The following PLXNA4 variants were observed in gnomAD, a reference collection of about 807,000 sequenced individuals.
PLXNA4 encodes plexin A4.
A neutral mutation model predicts 191.8 loss-of-function variants in PLXNA4; 44 were observed. The ratio of observed to expected loss-of-function variants is 0.23; its 90% CI spans 0.18 to 0.29. The LOEUF (loss-of-function observed/expected upper bound fraction) is 0.29, where lower values mean the gene tolerates loss of function less well. Ranked by LOEUF, PLXNA4 falls within the 10% of genes least tolerant of loss-of-function variation. PLXNA4 has a pLI of 1.00. For missense variants in PLXNA4, 1,800 were observed against 2,488.8 expected, an observed-to-expected ratio of 0.72 and a Z score of 5.89; for synonymous variants, 1,082 against 1,009.5, an observed-to-expected ratio of 1.07 and a Z score of -1.36.
chr7:132,310,381 C>T (rs556849077), intron 3 of PLXNA4, among the ~76,000 whole-genome samples: 1 of 152,328 alleles, frequency 6.6e-6, no homozygotes, highest in East Asian at 1.9e-4. Context: ...AGCACAGCTT[C>T]CCCTAGCAAG....
chr7:132,242,088 A>G (rs1211673798), intron 4 of PLXNA4, among the ~76,000 whole-genome samples: 7 of 149,706 alleles, frequency 4.7e-5, no homozygotes, highest in Non-Finnish European at 1.0e-4. Flanking sequence ...CGGAGTTTTT[A>G]TTTTCTTTTT....
At chr7:132,544,067 C>T (rs1177101226) in intron 1 of PLXNA4, among the ~76,000 whole-genome samples, 3 of 152,146 alleles carry the variant, frequency 2.0e-5, no homozygotes, top group South Asian at 4.1e-4. Flanking sequence ...ATGATTTGCC[C>T]ATTAACTGAG....
At chr7:132,447,952 A>G (rs1795973515) in intron 3 of PLXNA4, among the ~76,000 whole-genome samples, 1 of 152,198 alleles carries the variant, frequency 6.6e-6, no homozygotes, top group Non-Finnish European at 1.5e-5. Flanking sequence ...CAGAGGTTGC[A>G]GTGAGCCAAG....
chr7:132,345,230 C>T (rs573447719), intron 3 of PLXNA4, among the ~76,000 whole-genome samples: 66 of 152,308 alleles, frequency 4.3e-4, no homozygotes, highest in African/African-American at 1.4e-3. Context: ...CCAAAGCACA[C>T]ACAACTGCAC....
chr7:132,178,855 C>A (rs113864957), intron 20 of PLXNA4, among the ~76,000 whole-genome samples: 25 of 141,002 alleles, frequency 1.8e-4, no homozygotes, highest in African/African-American at 6.9e-4. Context: ...TACACACACA[C>A]ACACACACAC....
At chr7:132,333,407 G>A (rs572000137) in intron 3 of PLXNA4, among the ~76,000 whole-genome samples, 1 of 152,238 alleles carries the variant, frequency 6.6e-6, no homozygotes, top group Non-Finnish European at 1.5e-5. Context: ...GAAGAGGGAG[G>A]TGGGGAGGTG....
At chr7:132,592,960 C>T (rs553577012) in intron 2 of PLXNA4, among the ~76,000 whole-genome samples, 33 of 151,990 alleles carry the variant, frequency 2.2e-4, no homozygotes, top group African/African-American at 7.5e-4. Flanking sequence ...TAGAGGAGGT[C>T]CCCCACACAC....
At chr7:132,633,281 CAT>C (rs1491519695) in intron 2 of PLXNA4, among the ~76,000 whole-genome samples, 33 of 133,308 alleles carry the variant, frequency 2.5e-4, no homozygotes, top group East Asian at 8.2e-4. Flanking sequence ...TTGAGGTTCT[CAT>C]TTTTTTTTTT....
At chr7:132,252,388 T>C (rs1216393549) in intron 4 of PLXNA4, among the ~76,000 whole-genome samples, 1 of 133,746 alleles carries the variant, frequency 7.5e-6, no homozygotes, top group Non-Finnish European at 1.5e-5. Context: ...TGTGGCTCAC[T>C]GCAGCCTCTG....
intron 3 of PLXNA4, among the ~76,000 whole-genome samples, chr7:132,405,195 A>T (rs1794164844): frequency 6.6e-6 from 1 of 152,114 alleles, no homozygotes; most frequent in African/African-American, 2.4e-5. Context: ...TGGTACTCCC[A>T]GCTTGGCTGA....
At chr7:132,223,440 T>C (rs939953991) in intron 9 of PLXNA4, 87 bp downstream of exon 9, 6 of 1,180,354 alleles carry the variant, frequency 5.1e-6, no homozygotes, top group Non-Finnish European at 7.4e-6. Context: ...AGTTTTCCTT[T>C]GGTTTCTCCT....
intron 2 of PLXNA4, among the ~76,000 whole-genome samples, chr7:132,631,691 C>A (rs1803493026): frequency 6.6e-6 from 1 of 152,120 alleles, no homozygotes; most frequent in African/African-American, 2.4e-5. Flanking sequence ...CTCCATAGAC[C>A]ATCCCCCAAC....
At chr7:132,490,092 G>C (rs1001163890) in intron 2 of PLXNA4, among the ~76,000 whole-genome samples, 2 of 152,228 alleles carry the variant, frequency 1.3e-5, no homozygotes, top group African/African-American at 4.8e-5. Flanking sequence ...GAAGGAATGT[G>C]CTGATTCAAC....
intron 25 of PLXNA4, among the ~76,000 whole-genome samples, chr7:132,149,966 G>A (rs1433313177): frequency 6.6e-6 from 1 of 152,182 alleles, no homozygotes; most frequent in Admixed American, 6.5e-5. Flanking sequence ...TAGCAGAGAT[G>A]CTCCTAAAAT....
chr7:132,382,347 A>C (rs1431877156), intron 3 of PLXNA4, among the ~76,000 whole-genome samples: 1 of 152,120 alleles, frequency 6.6e-6, no homozygotes, highest in Admixed American at 6.5e-5. Context: ...TGAGGGGTGC[A>C]GTGTAGACAC....
In PLXNA4 at chr7:132,382,675, C is replaced by T. The variant is rs186957164; in HGVS notation, c.1372-84453G>A. ...GCATGGTCTGCAATAATTGTTATCG[C>T]TATCAAAATGATCAGCAATGATACG... On this transcript the variant is annotated intron_variant, in intron 3 of 31. Transcript: ENST00000321063. Among the ~76,000 whole-genome samples, 45 of 152,258 alleles carry T rather than the reference C, an allele frequency of 3.0e-4. 1 individual carries two copies. The East Asian group carries it at 7.3e-3, about 25-fold the overall frequency.
At chr7:132,412,598 C>T (rs1192654795) in intron 3 of PLXNA4, among the ~76,000 whole-genome samples, 1 of 152,130 alleles carries the variant, frequency 6.6e-6, no homozygotes, top group Non-Finnish European at 1.5e-5. Context: ...TAAGATCTTC[C>T]TTGGAGGCGA....
intron 2 of PLXNA4, among the ~76,000 whole-genome samples, chr7:132,600,994 C>T (rs1210016860): frequency 1.3e-5 from 2 of 151,482 alleles, no homozygotes. Flanking sequence ...TGGTTTAATC[C>T]CATACTTCTG....
chr7:132,133,384 AG>A (rs987282862), intron 30 of PLXNA4, among the ~76,000 whole-genome samples, 185 bp from the exon 31 acceptor site: 2 of 152,148 alleles, frequency 1.3e-5, no homozygotes, highest in African/African-American at 4.8e-5. Context: ...GGTCCGAACC[AG>A]GAAGAGCCCT....
Sources: allele counts gnomAD v4.1 joint callset (sites outside exome capture counted in the v4.1 genomes callset), GRCh38; gene constraint gnomAD v4.1.1; transcripts MANE v1.5; gene names NCBI Gene and HGNC (gene_info 2026-07-23, HGNC 2026-07-21).